CSPP1: variants seen among roughly 807,000 people sequenced by gnomAD.
The protein encoded by CSPP1 is centrosome and spindle pole associated protein 1, also known as centrosome and spindle pole-associated protein 1.
Under a neutral mutation model 164.4 loss-of-function variants are expected in CSPP1, and 126 were observed. That is an observed-to-expected ratio of 0.77 (90% CI 0.66 to 0.89). CSPP1 has a LOEUF of 0.89. CSPP1 is among the 40% of genes least tolerant of loss of function. CSPP1 has a pLI of 0.00. For synonymous variants in CSPP1, 472 were observed against 476.7 expected (o/e 0.99, Z 0.13); for missense variants, 1,395 against 1,449.8 (o/e 0.96, Z 0.61).
At chr8:67,170,856 G>A (rs1354954648) in intron 24 of CSPP1, among the ~76,000 whole-genome samples, 3 of 151,610 alleles carry the variant, frequency 2.0e-5, no homozygotes, top group Non-Finnish European at 4.4e-5. Context: ...GCACTATCTC[G>A]GCTCACTGCA....
chr8:67,068,771 GA>G (rs1806106030), intron 1 of CSPP1, among the ~76,000 whole-genome samples: 1 of 152,206 alleles, frequency 6.6e-6, no homozygotes, highest in African/African-American at 2.4e-5. Context: ...CTATTGTACA[GA>G]ATGTCAACAT....
chr8:67,195,587 T>C lies in CSPP1; in HGVS notation c.3675T>C (p.His1225=), dbSNP rs376255546. 8 of 1,613,666 alleles carry C rather than the reference T, an allele frequency of 5.0e-6. No homozygotes were observed. The East Asian group carries it at 8.9e-5, about 18-fold the overall frequency. The change falls in exon 31 of 31, where the codon CAT becomes CAC. Residue 1225 remains histidine (H), a synonymous_variant. Transcript: ENST00000678616. ...TFTWQGLSTA[H]G ...CTTGGCAGGGCCTGTCGACTGCACATGGTTAAAATAAACCTGTACTGGACC... is the reference window on the plus strand; with the variant it reads ...CTTGGCAGGGCCTGTCGACTGCACACGGTTAAAATAAACCTGTACTGGACC...
rs188148000 is a variant in CSPP1, at chr8:67,192,326, C to T, written c.3331-1138C>T. Among the ~76,000 whole-genome samples the T allele has an allele frequency of 3.1e-3, 468 of 152,262 alleles. 13 individuals are homozygous for T. Among genetic ancestry groups the T allele is most frequent in the Admixed American group, 0.027 (417 of 15,290 alleles). ...CTAACCTCGGGTGATCCACCTGCCTCGGCCTCCCAGAGTGCTAGGATTACA... is the reference window on the plus strand; with the variant it reads ...CTAACCTCGGGTGATCCACCTGCCTTGGCCTCCCAGAGTGCTAGGATTACA... On this transcript the variant is annotated intron_variant, in intron 29 of 30. Transcript: ENST00000678616.
rs180685142 is a variant in CSPP1 at position 67,076,565 on chromosome 8, G to T, written c.183G>T (p.Gln61His). 1 of 1,590,098 alleles carries T rather than the reference G, an allele frequency of 6.3e-7. No individual in the cohort carries two copies. Among genetic ancestry groups the T allele is most frequent in the Admixed American group, 1.7e-5 (1 of 57,258 alleles). Reference protein sequence around the residue: ...AKENIPPNSQQTRGSLGIDYG... With the variant: ...AKENIPPNSQHTRGSLGIDYG... ...AAAACATACCACCAAATAGTCAACA[G>T]ACCAGGGGTTCCTTAGGTATGTCAT... is the stretch of plus-strand genomic sequence containing the variant. Residue 61 changes from glutamine (Q) to histidine (H), a missense_variant, in exon 3 of 31, where the codon CAG becomes CAT. Gln to His is a conservative substitution (Grantham distance 24). Coordinates refer to ENST00000678616, the MANE Select transcript of CSPP1 (RefSeq NM_001382391.1).
intron 15 of CSPP1, 40 bp from the exon 16 acceptor site, chr8:67,131,911 C>A: frequency 6.6e-7 from 1 of 1,525,948 alleles, no homozygotes; most frequent in Admixed American, 2.0e-5. Flanking sequence ...CTTGCTTTGT[C>A]GTCAATGGAT....
chr8:67,065,656 T>C (rs1236833340), intron 1 of CSPP1: 1 of 281,902 alleles, frequency 3.5e-6, no homozygotes, highest in Non-Finnish European at 5.4e-6. Flanking sequence ...TTTTGTTTTG[T>C]TTTTGGAGAC....
chr8:67,149,387 AACTCC>A (rs1825236726), intron 17 of CSPP1, among the ~76,000 whole-genome samples: 1 of 152,206 alleles, frequency 6.6e-6, no homozygotes, highest in South Asian at 2.1e-4. Flanking sequence ...TATATTTTAA[AACTCC>A]ACTCCACATA....
intron 26 of CSPP1, among the ~76,000 whole-genome samples, chr8:67,176,680 T>C (rs1167702260): frequency 1.3e-5 from 2 of 152,144 alleles, no homozygotes; most frequent in Non-Finnish European, 2.9e-5. Context: ...GTAGTCCCCA[T>C]GTGGATACAG....
chr8:67,097,800 C>T (rs1438089426), intron 7 of CSPP1, among the ~76,000 whole-genome samples: 1 of 151,358 alleles, frequency 6.6e-6, no homozygotes, highest in Admixed American at 6.6e-5. Context: ...TCTTATGTAT[C>T]CCAAAATAAA....
chr8:67,147,467 A>G (rs897315756), intron 17 of CSPP1, among the ~76,000 whole-genome samples: 2 of 152,182 alleles, frequency 1.3e-5, no homozygotes, highest in African/African-American at 2.4e-5. Context: ...AAACACATTC[A>G]AAAAGTAGTC....
chr8:67,184,225 C>T (rs1833801919), intron 28 of CSPP1, among the ~76,000 whole-genome samples: 1 of 151,916 alleles, frequency 6.6e-6, no homozygotes, highest in Non-Finnish European at 1.5e-5. Context: ...GTAGAAAGAT[C>T]TAAAATCAGT....
chr8:67,095,364 T>G lies in CSPP1; in HGVS notation c.555T>G (p.Ser185=). The change falls in exon 7 of 31, where the codon TCT becomes TCG. Residue 185 remains serine (S), a synonymous_variant. Coordinates refer to ENST00000678616, the MANE Select transcript of CSPP1 (RefSeq NM_001382391.1). ...KPDLTSQIQT[S]CENSEGPRKD... The stretch of plus-strand genomic sequence containing the variant: ...ATCTAACTTCACAAATACAGACATC[T>G]TGTGAAAATTCAGAGGGTCCTAGAA... 1 of 1,607,874 alleles carries G rather than the reference T, an allele frequency of 6.2e-7. No individual in the cohort carries two copies. The highest frequency in any genetic ancestry group is 8.5e-7 in the Non-Finnish European group (1 of 1,178,448).
At chr8:67,116,268 G>T in intron 13 of CSPP1, 146 bp downstream of exon 13, 20 of 573,710 alleles carry the variant, frequency 3.5e-5, no homozygotes, top group East Asian at 5.8e-5. Flanking sequence ...CTTGAAATTT[G>T]TTTTTTTCTC....
chr8:67,136,064 T>C (rs1285857022), intron 16 of CSPP1, among the ~76,000 whole-genome samples: 1 of 152,148 alleles, frequency 6.6e-6, no homozygotes, highest in African/African-American at 2.4e-5. Flanking sequence ...GTGTGTGTGA[T>C]TCATGGCGCC....
chr8:67,194,753 TAATA>T (rs1837438737), intron 30 of CSPP1, among the ~76,000 whole-genome samples: 1 of 151,232 alleles, frequency 6.6e-6, no homozygotes, highest in Non-Finnish European at 1.5e-5. Flanking sequence ...TTATACCTAA[TAATA>T]AATAAAAGTA....
At position 67,082,871 on chromosome 8, in the gene CSPP1, G is replaced by T. The variant is rs575329716; in HGVS notation, c.200-3136G>T. 2.6e-5 allele frequency among the ~76,000 whole-genome samples: 4 copies of T among 152,254 alleles called. No homozygotes were observed. The South Asian group carries it at 8.3e-4, about 32-fold the overall frequency. ...CAAATGACCCTAAAATGACACAAATGCTTTACTTGCTGCTAGATCCATCAG... is the reference window on the plus strand; with the variant it reads ...CAAATGACCCTAAAATGACACAAATTCTTTACTTGCTGCTAGATCCATCAG... On this transcript the variant is annotated intron_variant, in intron 3 of 30. Coordinates refer to ENST00000678616, the MANE Select transcript of CSPP1 (RefSeq NM_001382391.1).
chr8:67,088,066 CT>C (rs1300927790), intron 4 of CSPP1, among the ~76,000 whole-genome samples: 1 of 152,132 alleles, frequency 6.6e-6, no homozygotes, highest in East Asian at 1.9e-4. Flanking sequence ...ACTCCCTGGG[CT>C]TATACCTCAT....
chr8:67,102,983 A>C (rs1426260204), intron 7 of CSPP1, 54 bp from the exon 8 acceptor site: 1 of 1,014,344 alleles, frequency 9.9e-7, no homozygotes, highest in Non-Finnish European at 1.5e-6. Context: ...CCAAACTGTT[A>C]TAAGAAGGTC....
chr8:67,118,747 T>C lies in CSPP1; in HGVS notation c.1623T>C (p.Gly541=), dbSNP rs1441641063. 1.1e-5 allele frequency: 18 copies of C among 1,608,008 alleles called. No individual in the cohort carries two copies. The highest frequency in any genetic ancestry group is 1.5e-5 in the Non-Finnish European group (18 of 1,175,486). The change falls in exon 15 of 31, where the codon GGT becomes GGC. Residue 541 remains glycine (G), a synonymous_variant. Transcript: ENST00000678616. ...TTTTTTTGTTTTTTCTTTAAGATGG[T>C]TCAGGAATGATGGGCGTACAGCCTG... The part of the protein sequence containing the change: ...NTFDPSLAYY[G]SGMMGVQPAA...
Sources: allele counts gnomAD v4.1 joint callset (sites outside exome capture counted in the v4.1 genomes callset), GRCh38; gene constraint gnomAD v4.1.1; transcripts MANE v1.5; gene names NCBI Gene and HGNC (gene_info 2026-07-23, HGNC 2026-07-21).